The following IFIH1 variants were observed in gnomAD, a reference collection of about 807,000 sequenced individuals.
The protein encoded by IFIH1 is interferon-induced helicase C domain-containing protein 1.
IFIH1 carries 125 observed loss-of-function variants against 107.4 expected under a neutral mutation model. That is an observed-to-expected ratio of 1.16 (90% CI 1.01 to 1.35). The LOEUF is 1.35. Among genes scored for constraint, IFIH1 ranks in the 40% most tolerant of loss-of-function variants. IFIH1 has a pLI of 0.00. For missense variants in IFIH1, 1,333 were observed against 1,213.7 expected (o/e 1.10, Z -1.46); for synonymous variants, 458 against 413.2 (o/e 1.11, Z -1.31).
Position 162,267,413 on chromosome 2 carries a change from A to C in IFIH1, c.2899-34T>G, listed in dbSNP as rs760185878. 7.4e-6 allele frequency: 12 copies of C among 1,613,254 alleles called. No individual in the cohort carries two copies. The African/African-American group carries it at 1.5e-4, about 20-fold the overall frequency. Reference sequence around the variant, plus strand: ...CAAAAGAGAGAGCAAGAGGAAAATTAAATGTACATGCAATTAAACATTCCT... The same window carrying C: ...CAAAAGAGAGAGCAAGAGGAAAATTCAATGTACATGCAATTAAACATTCCT... On this transcript the variant is annotated intron_variant, in intron 15 of 15. Transcript: ENST00000649979.
chr2:162,271,050 G>A (rs983506099), intron 13 of IFIH1, among the ~76,000 whole-genome samples: 1 of 152,118 alleles, frequency 6.6e-6, no homozygotes, highest in Non-Finnish European at 1.5e-5. Context: ...AGTAGTTACA[G>A]TTTTTAATTC....
In IFIH1 at chr2:162,303,401, C is replaced by G. The variant is rs543441712; in HGVS notation, c.769+3308G>C. 6.6e-5 allele frequency among the ~76,000 whole-genome samples: 10 copies of G among 152,296 alleles called. No individual in the cohort carries two copies. In the South Asian group the frequency reaches 2.1e-3, roughly 32 times the overall value. On this transcript the variant is annotated intron_variant, in intron 3 of 15. Coordinates refer to ENST00000649979, the MANE Select transcript of IFIH1 (RefSeq NM_022168.4). ...AAAGTCCTGGGATTACAGGTGTGAG[C>G]CACCACGCCTGGCCTGACTCATTTA...
chr2:162,308,267 C>T (rs578006343), intron 2 of IFIH1, among the ~76,000 whole-genome samples: 1 of 152,266 alleles, frequency 6.6e-6, no homozygotes, highest in Admixed American at 6.5e-5. Context: ...TCCCTGCGTC[C>T]TCACACGGTT....
At chr2:162,293,412 G>T in intron 4 of IFIH1, 152 bp downstream of exon 4, 1 of 555,786 alleles carries the variant, frequency 1.8e-6, no homozygotes, top group Non-Finnish European at 3.2e-6. Flanking sequence ...TTTAAAGAAA[G>T]TGAATGGCAA....
chr2:162,288,162 A>G lies in IFIH1; in HGVS notation c.1068T>C (p.Pro356=). 6.2e-7 allele frequency: 1 copy of G among 1,611,746 alleles called. No individual in the cohort carries two copies. The highest frequency in any genetic ancestry group is 8.5e-7 in the Non-Finnish European group (1 of 1,178,628). The change falls in exon 5 of 16, where the codon CCT becomes CCC. Residue 356 remains proline, a synonymous_variant. Transcript: ENST00000649979. ...TATTGACAAGAACTATAACTTTTCC[A>G]GGCTCAGATGCTTTTTTCTTCTTGT... ...HLDKKKKASE[P]GKVIVLVNKV... is the part of the protein sequence containing the mutation.
At chr2:162,284,820 A>G (rs533459434) in intron 5 of IFIH1, among the ~76,000 whole-genome samples, 12 of 151,834 alleles carry the variant, frequency 7.9e-5, no homozygotes, top group African/African-American at 2.6e-4. Flanking sequence ...CAAGATCTAC[A>G]TTTGATTTGT....
In IFIH1 at chr2:162,276,798, T is replaced by G; in HGVS notation, c.2193A>C (p.Ala731=). Residue 731 remains alanine, a synonymous_variant, in exon 11 of 16, where the codon GCA becomes GCC. Transcript: ENST00000649979. ...CAGTAATCCACTGGGAAAGCGCATA[T>G]GCACTCTGTCGTGTTTTTGTAAAGA... The part of the protein sequence containing the change: ...GIIFTKTRQS[A]YALSQWITEN... 2 of 1,614,054 alleles carry G rather than the reference T, an allele frequency of 1.2e-6. No individual in the cohort carries two copies. Among genetic ancestry groups the G allele is most frequent in the East Asian group, 2.2e-5 (1 of 44,874 alleles).
chr2:162,282,593 GA>G lies in IFIH1; in HGVS notation c.1096-18del. 1 of 1,552,642 alleles carries G rather than the reference GA, an allele frequency of 6.4e-7. No homozygotes were observed. Among genetic ancestry groups the G allele is most frequent in the Non-Finnish European group, 8.8e-7 (1 of 1,136,434 alleles). ...TAGCAGTACCTTAAAAAAATGTGAA[GA>G]TTTTTTAAAAGAGAGAAAGTTAGTC... On this transcript the variant is annotated intron_variant, in intron 5 of 15. Coordinates refer to ENST00000649979, the MANE Select transcript of IFIH1 (RefSeq NM_022168.4).
intron 3 of IFIH1, among the ~76,000 whole-genome samples, chr2:162,302,210 A>G (rs1360114258): frequency 6.6e-6 from 1 of 152,140 alleles, no homozygotes; most frequent in Non-Finnish European, 1.5e-5. Flanking sequence ...TAAGGGGTAA[A>G]AGGTGCTAAA....
chr2:162,288,286 A>G lies in IFIH1; in HGVS notation c.944T>C (p.Val315Ala). 6.2e-7 allele frequency: 1 copy of G among 1,612,814 alleles called. No individual in the cohort carries two copies. The highest frequency in any genetic ancestry group is 1.3e-5 in the African/African-American group (1 of 74,890). The change falls in exon 5 of 16, where the codon GTT (valine) becomes GCT (alanine). Residue 315 changes from valine to alanine, a missense_variant. Physicochemically the swap from Val to Ala is moderately conservative, Grantham distance 64. Transcript: ENST00000649979. ...ELQLRPYQME[V>A]AQPALEGKNI... is the part of the protein sequence containing the mutation. The stretch of plus-strand genomic sequence containing the variant: ...CTTCCCTTCCAAGGCTGGCTGGGCA[A>G]CTTCCATTTGGTAAGGCCTGAGCTG...
chr2:162,314,416 T>TTTCCTTTCTTTCTTTC (rs71009355), intron 1 of IFIH1, among the ~76,000 whole-genome samples: 3 of 51,444 alleles, frequency 5.8e-5, no homozygotes, highest in African/African-American at 1.2e-4. Context: ...TCTTTCTTTC[T>TTTCCTTTCTTTCTTTC]TTTCTTTCTT....
At chr2:162,306,891 C>G in intron 2 of IFIH1, 36 bp from the exon 3 acceptor site, 1 of 1,599,848 alleles carries the variant, frequency 6.3e-7, no homozygotes, top group Non-Finnish European at 8.6e-7. Flanking sequence ...AATCATAGTG[C>G]CATACAAGTT....
In IFIH1 at chr2:162,318,386, C is replaced by A. The variant is rs888083297; in HGVS notation, c.-79G>T. On this transcript the variant is annotated 5_prime_UTR_variant, in exon 1 of 16. Coordinates refer to ENST00000649979, the MANE Select transcript of IFIH1 (RefSeq NM_022168.4). ...TGCGGGACAGGTGAAATGTGCGTGC[C>A]GCTGTCCGCTGCCCACTTAGAGAAG... 19 of 1,167,900 alleles carry A rather than the reference C, an allele frequency of 1.6e-5. No homozygotes were observed. Among genetic ancestry groups the A allele is most frequent in the Non-Finnish European group, 2.3e-5 (18 of 799,440 alleles). The allele number at this position is 1,167,900 out of a possible 1,614,324, so 72.3% of individuals were successfully genotyped here.
At position 162,282,469 on chromosome 2, in the gene IFIH1, T is replaced by C. The variant is rs976325423; in HGVS notation, c.1203A>G (p.Pro401=). 2 of 1,611,698 alleles carry C rather than the reference T, an allele frequency of 1.2e-6. No individual in the cohort carries two copies. Among genetic ancestry groups the C allele is most frequent in the Admixed American group, 3.3e-5 (2 of 59,822 alleles). Residue 401 remains proline, a synonymous_variant, in exon 6 of 16, where the codon CCA becomes CCG. Transcript: ENST00000649979. ...SGDTQLKISF[P]EVVKSCDIII... The stretch of plus-strand genomic sequence containing the variant: ...TAATATCACAGGACTTGACAACTTC[T>C]GGAAATGATATTTTCAGTTGGGTAT...
intron 12 of IFIH1, among the ~76,000 whole-genome samples, chr2:162,273,491 A>G (rs1246246273): frequency 6.6e-6 from 1 of 152,156 alleles, no homozygotes; most frequent in Non-Finnish European, 1.5e-5. Context: ...ATCCTAGGAA[A>G]GAGGAGGCTG....
At chr2:162,292,373 T>C (rs1354500858) in intron 4 of IFIH1, among the ~76,000 whole-genome samples, 1 of 151,818 alleles carries the variant, frequency 6.6e-6, no homozygotes, top group Non-Finnish European at 1.5e-5. Context: ...GAAAATGAAT[T>C]CACCCTTTTA....
chr2:162,274,377 C>T (rs1285181959), intron 11 of IFIH1, among the ~76,000 whole-genome samples: 1 of 152,082 alleles, frequency 6.6e-6, no homozygotes, highest in Non-Finnish European at 1.5e-5. Flanking sequence ...TGTTTTCAGT[C>T]ACAGAGAAAA....
Position 162,268,071 on chromosome 2 carries a change from G to A in IFIH1, c.2807+16C>T. The A allele has an allele frequency of 6.4e-7, 1 of 1,551,140 alleles. No individual in the cohort carries two copies. The highest frequency in any genetic ancestry group is 8.7e-7 in the Non-Finnish European group (1 of 1,147,700). On this transcript the variant is annotated intron_variant, in intron 14 of 15. Coordinates refer to ENST00000649979, the MANE Select transcript of IFIH1 (RefSeq NM_022168.4). Reference sequence around the variant, plus strand: ...CCCTTGTGGAAAAATGTAAAAATGGGTCTTTCTGGACTCACTTGAATTCTG... The same window carrying A: ...CCCTTGTGGAAAAATGTAAAAATGGATCTTTCTGGACTCACTTGAATTCTG...
At chr2:162,316,389 A>G (rs1020529519) in intron 1 of IFIH1, among the ~76,000 whole-genome samples, 1 of 152,206 alleles carries the variant, frequency 6.6e-6, no homozygotes, top group Non-Finnish European at 1.5e-5. Context: ...CAGCTGGACT[A>G]CTATAATGCG....
Sources: allele counts gnomAD v4.1 joint callset (sites outside exome capture counted in the v4.1 genomes callset), GRCh38; gene constraint gnomAD v4.1.1; transcripts MANE v1.5; gene names NCBI Gene and HGNC (gene_info 2026-07-23, HGNC 2026-07-21).